SLC26A5: variants seen among roughly 807,000 people sequenced by gnomAD.
SLC26A5 encodes solute carrier family 26 member 5.
In SLC26A5, 51 loss-of-function variants were observed where a neutral mutation model predicts 81.0. That is an observed-to-expected ratio of 0.63 (90% CI 0.50 to 0.80). SLC26A5 has a LOEUF of 0.80. Ranked by LOEUF, SLC26A5 falls within the 30% of genes least tolerant of loss-of-function variation. The pLI, the probability that SLC26A5 is intolerant of heterozygous loss-of-function variation, is 0.00. For missense variants in SLC26A5, 771 were observed against 905.8 expected (o/e 0.85, Z 1.91); for synonymous variants, 325 against 332.8 (o/e 0.98, Z 0.25).
In SLC26A5 at chr7:103,377,800, C is replaced by G. The variant is rs767937390; in HGVS notation, c.1786-1G>C. 1 of 1,613,608 alleles carries G rather than the reference C, an allele frequency of 6.2e-7. No homozygotes were observed. The highest frequency in any genetic ancestry group is 1.1e-5 in the South Asian group (1 of 91,072). ...CATCCTCTCCATCTACTTCTGCATCCTGTGTCAAAAATTAAACCAAACCAG... is the reference window on the plus strand; with the variant it reads ...CATCCTCTCCATCTACTTCTGCATCGTGTGTCAAAAATTAAACCAAACCAG... On this transcript the variant is annotated splice_acceptor_variant, in intron 17 of 19. Coordinates refer to ENST00000306312, the MANE Select transcript of SLC26A5 (RefSeq NM_198999.3). LOFTEE classifies it high-confidence loss of function.
chr7:103,354,074 A>C, intron 19 of SLC26A5: 1 of 770,242 alleles, frequency 1.3e-6, no homozygotes, highest in East Asian at 2.9e-5. Flanking sequence ...TTAAAAAACC[A>C]AACAAAAAAT....
intron 19 of SLC26A5, among the ~76,000 whole-genome samples, chr7:103,356,006 A>G (rs1009369716): frequency 1.3e-5 from 2 of 152,264 alleles, no homozygotes; most frequent in Non-Finnish European, 2.9e-5. Flanking sequence ...TTTAAATGAT[A>G]TAAAAAGATG....
At chr7:103,386,363 C>T (rs1176788434) in intron 14 of SLC26A5, among the ~76,000 whole-genome samples, 3 of 151,944 alleles carry the variant, frequency 2.0e-5, no homozygotes, top group East Asian at 1.9e-4. Flanking sequence ...GTCAGGAGGT[C>T]GACACCATCC....
chr7:103,412,896 T>C, intron 5 of SLC26A5, 106 bp downstream of exon 5: 1 of 865,462 alleles, frequency 1.2e-6, no homozygotes, highest in Non-Finnish European at 1.9e-6. Flanking sequence ...GTAACAAAAG[T>C]TGTTATTAAG....
In SLC26A5 at chr7:103,377,739, A is replaced by C; in HGVS notation, c.1846T>G (p.Tyr616Asp). The change falls in exon 18 of 20, where the codon TAT (tyrosine) becomes GAT (aspartate). Residue 616 changes from tyrosine to aspartate, a missense_variant. Physicochemically the swap from Tyr to Asp is radical, Grantham distance 160. Transcript: ENST00000306312. Reference protein sequence around the residue: ...KPEEEDGEVKYPPIVIKSTFP... With the variant: ...KPEEEDGEVKDPPIVIKSTFP... ...GTGCTTTTGATCACTATTGGGGGAT[A>C]TTTTACTTCACCATCCTCTTCTTCA... is the stretch of plus-strand genomic sequence containing the variant. 1 of 1,614,088 alleles carries C rather than the reference A, an allele frequency of 6.2e-7. No homozygotes were observed. The highest frequency in any genetic ancestry group is 8.5e-7 in the Non-Finnish European group (1 of 1,180,016).
intron 14 of SLC26A5, among the ~76,000 whole-genome samples, chr7:103,384,085 C>T (rs548431988): frequency 1.8e-4 from 27 of 152,062 alleles, no homozygotes; most frequent in African/African-American, 6.0e-4. Flanking sequence ...GAGCTGTGAC[C>T]GTACAAGTGC....
At chr7:103,385,156 T>TTTGTTGTTG (rs201951222) in intron 14 of SLC26A5, among the ~76,000 whole-genome samples, 21 of 151,604 alleles carry the variant, frequency 1.4e-4, no homozygotes, top group Middle Eastern at 3.4e-3. Flanking sequence ...TGATTGTCTC[T>TTTGTTGTTG]TTGTTGTTGT....
intron 2 of SLC26A5, chr7:103,435,232 T>C (rs957407816): frequency 1.3e-5 from 2 of 152,234 alleles, no homozygotes; most frequent in Non-Finnish European, 2.9e-5. Flanking sequence ...ACTCTAATCA[T>C]GCTAAGAGTG....
downstream of SLC26A5, among the ~76,000 whole-genome samples, chr7:103,370,012 T>C (rs916379388): frequency 7.9e-5 from 12 of 152,212 alleles, no homozygotes; most frequent in African/African-American, 2.7e-4. Flanking sequence ...AGCAGGCACG[T>C]TACCTGGTGT....
downstream of SLC26A5, among the ~76,000 whole-genome samples, chr7:103,372,829 T>G (rs1821110727): frequency 7.0e-6 from 1 of 143,736 alleles, no homozygotes; most frequent in South Asian, 2.2e-4. Flanking sequence ...TGAAACCCAT[T>G]AAAACTATAA....
At chr7:103,445,209 G>C (rs1827192903) in intron 1 of SLC26A5, 1 of 152,156 alleles carries the variant, frequency 6.6e-6, no homozygotes, top group African/African-American at 2.4e-5. Context: ...GCGTATCTGA[G>C]GCTTTCTTCA....
Position 103,364,029 on chromosome 7 carries a change from A to G in SLC26A5, c.2042-11103T>C, listed in dbSNP as rs556239820. The stretch of plus-strand genomic sequence containing the variant: ...ACTTAATAATTTTGATTTAAATATT[A>G]AAGTATGGTTTTCAGGATAAAATAC... On this transcript the variant is annotated intron_variant, in intron 19 of 19. Coordinates refer to the SLC26A5 transcript ENST00000339444. The G allele has an allele frequency of 8.8e-4, 864 of 976,530 alleles. 14 individuals are homozygous for G. The South Asian group carries it at 0.012, about 14-fold the overall frequency. The allele number at this position is 976,530 out of a possible 1,614,324, so 60.5% of individuals were successfully genotyped here. A position where few individuals can be genotyped will look rare whatever the true frequency, so the allele number is the denominator to read the frequency against.
intron 4 of SLC26A5, among the ~76,000 whole-genome samples, chr7:103,415,500 G>A (rs537931227): frequency 6.6e-6 from 1 of 152,322 alleles, no homozygotes; most frequent in Admixed American, 6.5e-5. Flanking sequence ...GGTACCGGGT[G>A]GGAGTATTAC....
At chr7:103,394,697 G>A (rs117865814) in intron 9 of SLC26A5, among the ~76,000 whole-genome samples, 19 of 152,246 alleles carry the variant, frequency 1.2e-4, no homozygotes, top group Non-Finnish European at 2.8e-4. Flanking sequence ...ATAGAAGCAT[G>A]GTAGTTTGCC....
intron 14 of SLC26A5, among the ~76,000 whole-genome samples, chr7:103,386,739 G>A (rs1048956066): frequency 6.6e-6 from 1 of 151,818 alleles, no homozygotes; most frequent in South Asian, 2.1e-4. Context: ...CTATACTGTA[G>A]CTTGTTAAAA....
At chr7:103,355,621 G>A in intron 19 of SLC26A5, 1 of 1,114,432 alleles carries the variant, frequency 9.0e-7, no homozygotes, top group Non-Finnish European at 1.4e-6. Flanking sequence ...TATCAGTAGT[G>A]CTGAGGTTTA....
intron 9 of SLC26A5, among the ~76,000 whole-genome samples, chr7:103,395,568 G>C (rs1235177691): frequency 1.4e-5 from 2 of 143,304 alleles, no homozygotes; most frequent in Non-Finnish European, 3.0e-5. Flanking sequence ...TTGTTGCCCA[G>C]GCTAGAATGC....
chr7:103,365,063 A>G (rs1820638892), intron 19 of SLC26A5, among the ~76,000 whole-genome samples: 1 of 150,086 alleles, frequency 6.7e-6, no homozygotes. Context: ...AGAATTAGCT[A>G]CGGAGCTGCG....
At chr7:103,375,469 G>A (rs1330888860) in intron 19 of SLC26A5, among the ~76,000 whole-genome samples, 1 of 152,164 alleles carries the variant, frequency 6.6e-6, no homozygotes, top group East Asian at 1.9e-4. Flanking sequence ...AGTAATGTCT[G>A]AGAGAGCCTG....
Sources: allele counts gnomAD v4.1 joint callset (sites outside exome capture counted in the v4.1 genomes callset), GRCh38; gene constraint gnomAD v4.1.1; transcripts MANE v1.5; gene names NCBI Gene and HGNC (gene_info 2026-07-23, HGNC 2026-07-21).